Variants in RERE observed in about 807,000 individuals in gnomAD.
The protein encoded by RERE is arginine-glutamic acid dipeptide repeats, also known as arginine-glutamic acid dipeptide repeats protein.
A neutral mutation model predicts 146.1 loss-of-function variants in RERE; 40 were observed. That is an observed-to-expected ratio of 0.27 (90% CI 0.21 to 0.36). The LOEUF is 0.36. Ranked by LOEUF, RERE falls within the 10% of genes least tolerant of loss-of-function variation. RERE has a pLI of 1.00. For missense variants in RERE, 1,933 were observed against 2,138.7 expected, an observed-to-expected ratio of 0.90 and a Z score of 1.90; for synonymous variants, 1,003 against 866.0, an observed-to-expected ratio of 1.16 and a Z score of -2.78.
At chr1:8,607,843 A>G (rs1007062066) in intron 4 of RERE, among the ~76,000 whole-genome samples, 2 of 149,550 alleles carry the variant, frequency 1.3e-5, no homozygotes, top group African/African-American at 4.9e-5. Flanking sequence ...CTCCTGCCTC[A>G]ACTTCCTAAG....
At chr1:8,488,270 A>T (rs553806328) in intron 10 of RERE, among the ~76,000 whole-genome samples, 19 of 152,108 alleles carry the variant, frequency 1.2e-4, no homozygotes, top group African/African-American at 4.1e-4. Flanking sequence ...TTTGAGACAG[A>T]GTTTCACTCT....
At position 8,355,117 on chromosome 1, in the gene RERE, T is replaced by C; in HGVS notation, c.4671A>G (p.Arg1557=). The change falls in exon 23 of 23, where the codon CGA becomes CGG. Residue 1557 remains arginine, a synonymous_variant. Transcript: ENST00000400908. ...ACTGCTTGTCACCTTCTTTCTTCAGTCGACTGGAAAGACAAAACAGGAAAG... is the reference window on the plus strand; with the variant it reads ...ACTGCTTGTCACCTTCTTTCTTCAGCCGACTGGAAAGACAAAACAGGAAAG... ...HLPSQEDYYS[R]LKKEGDKQL 1 of 1,614,018 alleles carries C rather than the reference T, an allele frequency of 6.2e-7. No individual in the cohort carries two copies. Among genetic ancestry groups the C allele is most frequent in the Non-Finnish European group, 8.5e-7 (1 of 1,179,970 alleles).
intron 1 of RERE, among the ~76,000 whole-genome samples, chr1:8,736,214 TTTG>T (rs955954519): frequency 2.0e-5 from 3 of 151,572 alleles, no homozygotes; most frequent in Admixed American, 1.3e-4. Flanking sequence ...TGTTTGTTTG[TTTG>T]TTTTTTGGAG....
intron 10 of RERE, among the ~76,000 whole-genome samples, chr1:8,493,333 A>G (rs968722331): frequency 6.6e-6 from 1 of 152,204 alleles, no homozygotes; most frequent in Non-Finnish European, 1.5e-5. Context: ...TAACCAACAA[A>G]AAAATCCCCA....
rs1309627543 is a variant in RERE at position 8,375,794 on chromosome 1, TTCCTCACTCAGCAGCCACTGAAAATGCA to T, written c.1285-9848_1285-9821del. Among the ~76,000 whole-genome samples, 368 of 151,914 alleles carry T rather than the reference TTCCTCACTCAGCAGCCACTGAAAATGCA, an allele frequency of 2.4e-3. 2 individuals are homozygous for T. The highest frequency in any genetic ancestry group is 8.7e-3 in the African/African-American group (359 of 41,224). ...CTCACTCAGCAGCCACTGAAAATGC[TTCCTCACTCAGCAGCCACTGAAAATGCA>T]TCCTCACTCAGCAGCTTTATTTACA... On this transcript the variant is annotated intron_variant, in intron 12 of 22. Coordinates refer to ENST00000400908, the MANE Select transcript of RERE (RefSeq NM_001042681.2).
Position 8,361,758 on chromosome 1 carries a change from C to T in RERE, c.2016+5G>A. On this transcript the variant is annotated splice_donor_5th_base_variant and intron_variant, in intron 17 of 22. Coordinates refer to ENST00000400908, the MANE Select transcript of RERE (RefSeq NM_001042681.2). ...TACTCAGCAAGGCTCAGCAGCAAACCTCACCTGCGTTTTTGTCTTCTTGGA... is the reference window on the plus strand; with the variant it reads ...TACTCAGCAAGGCTCAGCAGCAAACTTCACCTGCGTTTTTGTCTTCTTGGA... The T allele has an allele frequency of 1.2e-6, 2 of 1,608,558 alleles. No individual in the cohort carries two copies. Among genetic ancestry groups the T allele is most frequent in the Admixed American group, 1.7e-5 (1 of 59,946 alleles).
chr1:8,475,321 C>G (rs1038291367), intron 10 of RERE, among the ~76,000 whole-genome samples: 3 of 151,518 alleles, frequency 2.0e-5, no homozygotes, highest in African/African-American at 7.3e-5. Flanking sequence ...TTGCAGTTAG[C>G]CGAGACCGCG....
At chr1:8,538,908 GA>G (rs765590364) in intron 7 of RERE, among the ~76,000 whole-genome samples, 15 of 152,196 alleles carry the variant, frequency 9.9e-5, no homozygotes, top group Non-Finnish European at 1.6e-4. Flanking sequence ...GTATTGCCCT[GA>G]AAGACTGTCA....
At chr1:8,499,956 C>T (rs57456562) in intron 8 of RERE, among the ~76,000 whole-genome samples, 2 of 151,696 alleles carry the variant, frequency 1.3e-5, no homozygotes, top group Non-Finnish European at 2.9e-5. Flanking sequence ...CCTGTCTCTA[C>T]GAAAAATACA....
At chr1:8,403,557 G>C (rs1431990583) in intron 12 of RERE, among the ~76,000 whole-genome samples, 1 of 151,432 alleles carries the variant, frequency 6.6e-6, no homozygotes, top group Non-Finnish European at 1.5e-5. Context: ...GTAGAGGCAG[G>C]GTTTCACCAT....
chr1:8,798,125 T>A (rs1040395835), intron 1 of RERE, among the ~76,000 whole-genome samples: 42 of 152,214 alleles, frequency 2.8e-4, no homozygotes, highest in African/African-American at 9.9e-4. Context: ...CCGGATGCAG[T>A]GGCTCACGCC....
intron 1 of RERE, among the ~76,000 whole-genome samples, chr1:8,698,679 A>T (rs1639384938): frequency 1.3e-5 from 2 of 151,848 alleles, no homozygotes; most frequent in Admixed American, 6.6e-5. Flanking sequence ...TTCTATTTTT[A>T]TTTTTTTTAA....
At chr1:8,487,351 G>A (rs1449235384) in intron 10 of RERE, among the ~76,000 whole-genome samples, 4 of 152,246 alleles carry the variant, frequency 2.6e-5, no homozygotes, top group Admixed American at 2.6e-4. Flanking sequence ...GGGAAGCTGA[G>A]GAGGATCACT....
chr1:8,572,771 A>G (rs1646237613), intron 4 of RERE, among the ~76,000 whole-genome samples: 1 of 152,166 alleles, frequency 6.6e-6, no homozygotes, highest in Admixed American at 6.5e-5. Context: ...TCTCCTCTAA[A>G]ATGTCCAATA....
chr1:8,397,115 C>T (rs781265535), intron 12 of RERE, among the ~76,000 whole-genome samples: 5 of 152,214 alleles, frequency 3.3e-5, no homozygotes, highest in Non-Finnish European at 5.9e-5. Context: ...AGCACAGCAG[C>T]TAAGACTGGG....
intron 1 of RERE, among the ~76,000 whole-genome samples, chr1:8,723,269 T>C (rs1639897304): frequency 6.6e-6 from 1 of 152,162 alleles, no homozygotes; most frequent in Non-Finnish European, 1.5e-5. Context: ...GAATAAACAA[T>C]TCAGTCTGAA....
In RERE at chr1:8,533,632, A is replaced by C. The variant is rs377316249; in HGVS notation, c.830+7582T>G. On this transcript the variant is annotated intron_variant, in intron 7 of 22. Transcript: ENST00000400908. Reference sequence around the variant, plus strand: ...CTGAAGGGCCCAGAATCCCAACCCTAAACAGGTGGGTTTCCCTGTTACTCC... The same window carrying C: ...CTGAAGGGCCCAGAATCCCAACCCTCAACAGGTGGGTTTCCCTGTTACTCC... Among the ~76,000 whole-genome samples the C allele has an allele frequency of 3.9e-5, 6 of 152,312 alleles. No individual in the cohort carries two copies. In the East Asian group the frequency reaches 9.6e-4, roughly 24 times the overall value.
intron 1 of RERE, among the ~76,000 whole-genome samples, chr1:8,677,992 G>A (rs1211509892): frequency 2.0e-5 from 3 of 152,174 alleles, no homozygotes; most frequent in Non-Finnish European, 2.9e-5. Context: ...AACAGGAAGA[G>A]TTGTTTGTTC....
At position 8,540,859 on chromosome 1, in the gene RERE, T is replaced by C. The variant is rs1377383801; in HGVS notation, c.830+355A>G. Among the ~76,000 whole-genome samples, 4 of 152,372 alleles carry C rather than the reference T, an allele frequency of 2.6e-5. No homozygotes were observed. In the East Asian group the frequency reaches 7.7e-4, roughly 29 times the overall value. ...CTTAGTCTTTTTCAATATGGTATTATGGAAGGCTTGACAGAATGTGAATCA... is the reference window on the plus strand; with the variant it reads ...CTTAGTCTTTTTCAATATGGTATTACGGAAGGCTTGACAGAATGTGAATCA... On this transcript the variant is annotated intron_variant, in intron 7 of 22. Transcript: ENST00000400908.
Sources: allele counts gnomAD v4.1 joint callset (sites outside exome capture counted in the v4.1 genomes callset), GRCh38; gene constraint gnomAD v4.1.1; transcripts MANE v1.5; gene names NCBI Gene and HGNC (gene_info 2026-07-23, HGNC 2026-07-21).